Variants in MTMR1 observed in about 807,000 individuals in gnomAD.
The protein encoded by MTMR1 is myotubularin related protein 1, also known as phosphatidylinositol-3-phosphate phosphatase MTMR1.
In MTMR1, 17 loss-of-function variants were observed where a neutral mutation model predicts 51.6. The observed-to-expected ratio is 0.33, with a 90% CI of 0.23 to 0.49. The LOEUF is 0.49. Among genes scored for constraint, MTMR1 ranks in the 20% least tolerant of loss-of-function variants. The pLI is 0.99. For synonymous variants in MTMR1, 201 were observed against 205.6 expected (o/e 0.98, Z 0.19); for missense variants, 386 against 526.9 (o/e 0.73, Z 2.62).
At chrX:150,693,739 C>G in intron 1 of MTMR1, 63 bp downstream of exon 1, 1 of 683,016 alleles carries the variant, frequency 1.5e-6, no homozygotes, top group Non-Finnish European at 1.7e-6. Context: ...CCGCGCGAGG[C>G]CAGCCCGCCC....
At chrX:150,735,406 G>A in intron 10 of MTMR1, 1 of 482,971 alleles carries the variant, frequency 2.1e-6, no homozygotes, top group Admixed American at 3.0e-5. Flanking sequence ...ATATTTGCAT[G>A]TATTTTCATA....
At chrX:150,744,063 GGTCTT>G (rs1569565742) in intron 12 of MTMR1, among the ~76,000 whole-genome samples, 3 of 112,562 alleles carry the variant, frequency 2.7e-5, no homozygotes, top group Non-Finnish European at 5.6e-5. Context: ...TGTGGTGGCT[GGTCTT>G]GACCCTACCA....
chrX:150,704,478 G>A (rs2041024736), intron 2 of MTMR1, among the ~76,000 whole-genome samples: 1 of 112,019 alleles, frequency 8.9e-6, no homozygotes, highest in Non-Finnish European at 1.9e-5. Context: ...TGAGTGAAGA[G>A]TCATGACTTT....
chrX:150,741,943 G>A (rs1244855290), intron 12 of MTMR1, among the ~76,000 whole-genome samples: 8 of 112,556 alleles, frequency 7.1e-5, no homozygotes, highest in Admixed American at 2.8e-4. Flanking sequence ...TGACAATTCC[G>A]CTGATGGGTA....
chrX:150,712,921 G>A, intron 3 of MTMR1: 1 of 924,227 alleles, frequency 1.1e-6, no homozygotes, highest in Non-Finnish European at 1.4e-6. Context: ...TTTTCCTCAT[G>A]ATTTTCCTTC....
Position 150,763,887 on chromosome X carries a change from C to T in MTMR1, c.*1158C>T, listed in dbSNP as rs1235714924. The T allele has an allele frequency of 8.9e-6, 1 of 112,370 alleles. No homozygotes were observed. The highest frequency in any genetic ancestry group is 1.9e-5 in the Non-Finnish European group (1 of 53,261). 9.3% of individuals were successfully genotyped at this position (112,370 alleles called of 1,213,427 possible). On this transcript the variant is annotated 3_prime_UTR_variant, in exon 16 of 16. Transcript: ENST00000445323. ...TGAGCTCTGTGACTCCGTCGGTTCT[C>T]GCAGGAATTAACTAACTTACCAATT...
chrX:150,755,919 T>A, intron 15 of MTMR1, 54 bp downstream of exon 15: 2 of 999,074 alleles, frequency 2.0e-6, no homozygotes, highest in Non-Finnish European at 1.4e-6. Context: ...TTTTTCCAAG[T>A]AAAGATGGTG....
intron 15 of MTMR1, among the ~76,000 whole-genome samples, chrX:150,760,167 T>C (rs1557417950): frequency 5.5e-5 from 6 of 108,703 alleles, no homozygotes. Context: ...TTATCCTGTA[T>C]GCAACAGGCA....
intron 13 of MTMR1, among the ~76,000 whole-genome samples, chrX:150,748,041 G>C (rs1220879931): frequency 9.0e-6 from 1 of 111,637 alleles, no homozygotes; most frequent in African/African-American, 3.3e-5. Context: ...TTGCTTCCTG[G>C]TTCATAGATT....
chrX:150,736,723 C>T lies in MTMR1; in HGVS notation c.1209C>T (p.Ile403=), dbSNP rs782129470. Residue 403 remains isoleucine (I), a synonymous_variant, in exon 11 of 16, where the codon ATC becomes ATT. Coordinates refer to ENST00000445323, the MANE Select transcript of MTMR1 (RefSeq NM_001306144.3). The part of the protein sequence containing the change: ...RKLKEIVYPS[I]DEARWLSNVD... ...TAAAAGAGATTGTGTACCCTTCGATCGATGAGGCGCGGTGGCTCTCCAATG... is the reference window on the plus strand; with the variant it reads ...TAAAAGAGATTGTGTACCCTTCGATTGATGAGGCGCGGTGGCTCTCCAATG... 6 of 1,210,862 alleles carry T rather than the reference C, an allele frequency of 5.0e-6. No individual in the cohort carries two copies. The highest frequency in any genetic ancestry group is 2.3e-4 in the Middle Eastern group (1 of 4,347).
rs144126453 is a variant in MTMR1, at chrX:150,762,230, G to A, written c.1858-335G>A. On this transcript the variant is annotated intron_variant, in intron 15 of 15. Transcript: ENST00000445323. Reference sequence around the variant, plus strand: ...CAGTCTTTAGGACACTGCTCGTGCCGAGTCTGCACACGGCGCCCTCGGTTG... The same window carrying A: ...CAGTCTTTAGGACACTGCTCGTGCCAAGTCTGCACACGGCGCCCTCGGTTG... Among the ~76,000 whole-genome samples, 886 of 112,951 alleles carry A rather than the reference G, an allele frequency of 7.8e-3. 12 individuals carry two copies. The highest frequency in any genetic ancestry group is 0.027 in the African/African-American group (845 of 31,158).
At chrX:150,758,095 C>T (rs1296087298) in intron 15 of MTMR1, among the ~76,000 whole-genome samples, 2 of 111,137 alleles carry the variant, frequency 1.8e-5, no homozygotes, top group South Asian at 3.8e-4. Flanking sequence ...TGAAGAGGTG[C>T]GCCCCTCTGC....
At chrX:150,712,109 G>A (rs1280361077) in intron 2 of MTMR1, among the ~76,000 whole-genome samples, 2 of 111,733 alleles carry the variant, frequency 1.8e-5, no homozygotes, top group Admixed American at 1.9e-4. Flanking sequence ...TTAGCCTAAG[G>A]GCAACATGTT....
rs1378329693 is a variant in MTMR1, at chrX:150,730,293, GT to G, written c.657+94del. ...TGTTTAATTATTCCTTTTTCCAGAG[GT>G]TTTTTTTTTTCCTCTCTTTTTTCCT... On this transcript the variant is annotated intron_variant, in intron 7 of 15. Transcript: ENST00000445323. 7.3e-3 allele frequency: 4,075 copies of G among 561,438 alleles called. 1 individual carries two copies. The highest frequency in any genetic ancestry group is 7.8e-3 in the Non-Finnish European group (3,120 of 401,450). The allele number at this position is 561,438 out of a possible 1,213,427, so 46.3% of individuals were successfully genotyped here. A position where few individuals can be genotyped will look rare whatever the true frequency, so the allele number is the denominator to read the frequency against.
rs2043196835 is a variant in MTMR1, at chrX:150,763,205, T to TAAC, written c.*479_*481dup. 8.5e-6 allele frequency: 1 copy of TAAC among 117,539 alleles called. No individual in the cohort carries two copies. The highest frequency in any genetic ancestry group is 3.2e-5 in the African/African-American group (1 of 31,178). The allele number at this position is 117,539 out of a possible 1,213,427, so 9.7% of individuals were successfully genotyped here. Reference sequence around the variant, plus strand: ...TTCTTCATGCACGGGGTCCTCCTGTTAACAATTACTGTTGTGTACATATAA... The same window carrying TAAC: ...TTCTTCATGCACGGGGTCCTCCTGTTAACAACAATTACTGTTGTGTACATATAA... On this transcript the variant is annotated 3_prime_UTR_variant, in exon 16 of 16. Transcript: ENST00000445323.
intron 13 of MTMR1, among the ~76,000 whole-genome samples, chrX:150,748,919 C>G (rs886988526): frequency 8.9e-6 from 1 of 111,856 alleles, no homozygotes; most frequent in South Asian, 3.7e-4. Context: ...GAGGGGCAAT[C>G]TTAAAGGCTC....
intron 11 of MTMR1, among the ~76,000 whole-genome samples, 162 bp downstream of exon 11, chrX:150,736,942 G>T (rs1411685336): frequency 8.9e-6 from 1 of 112,141 alleles, no homozygotes; most frequent in African/African-American, 3.2e-5. Context: ...GAGGGCTTTT[G>T]TGACATAGTG....
intron 11 of MTMR1, 143 bp from the exon 12 acceptor site, chrX:150,737,099 A>G: frequency 4.0e-6 from 2 of 502,877 alleles, no homozygotes; most frequent in Non-Finnish European, 6.5e-6. Context: ...AATATTTCCT[A>G]GTGATTCTCA....
intron 2 of MTMR1, among the ~76,000 whole-genome samples, chrX:150,701,732 C>A (rs2040913492): frequency 8.9e-6 from 1 of 112,047 alleles, no homozygotes; most frequent in Non-Finnish European, 1.9e-5. Flanking sequence ...GTAGTCTCAG[C>A]TACTTGGAAG....
Sources: gnomAD v4.1 joint callset for allele counts (sites outside exome capture counted in the v4.1 genomes callset) on GRCh38, gnomAD v4.1.1 for gene constraint, MANE v1.5 for transcripts, NCBI Gene and HGNC (gene_info 2026-07-23, HGNC 2026-07-21) for gene names.